The following ZNF382 variants were observed in gnomAD, a reference collection of about 807,000 sequenced individuals.
ZNF382 encodes zinc finger protein 382.
Under a neutral mutation model 38.8 loss-of-function variants are expected in ZNF382, and 20 were observed. That is an observed-to-expected ratio of 0.51 (90% confidence interval 0.36 to 0.75). The LOEUF (loss-of-function observed/expected upper bound fraction) is 0.75, where lower values mean the gene tolerates loss of function less well. ZNF382 is among the 30% of genes least tolerant of loss of function. The pLI is 0.00. For missense variants in ZNF382, 546 were observed against 654.1 expected (o/e 0.83, Z 1.80); for synonymous variants, 202 against 223.1 (o/e 0.91, Z 0.84).
intron 4 of ZNF382, among the ~76,000 whole-genome samples, chr19:36,625,239 A>G (rs951716895): frequency 6.6e-6 from 1 of 151,072 alleles, no homozygotes; most frequent in African/African-American, 2.4e-5. Flanking sequence ...TTCAAGAGAA[A>G]ATAAATTACG....
chr19:36,607,963 C>T (rs1051563144), intron 2 of ZNF382: 3 of 251,916 alleles, frequency 1.2e-5, no homozygotes, highest in African/African-American at 6.7e-5. Flanking sequence ...CATTCATCAT[C>T]TCCTTTCTCA....
In ZNF382 at chr19:36,631,937, A is replaced by T. The variant is rs1213550652; in HGVS notation, c.*4387A>T. On this transcript the variant is annotated 3_prime_UTR_variant, in exon 5 of 5. Transcript: ENST00000292928. ...CATAAGGCATATGCAAAATGAGTTC[A>T]TCAGTTCAGAGGACTAACAGGACTC... is the stretch of plus-strand genomic sequence containing the variant. 6.6e-6 allele frequency: 1 copy of T among 152,220 alleles called. No homozygotes were observed. Among genetic ancestry groups the T allele is most frequent in the Non-Finnish European group, 1.5e-5 (1 of 68,048 alleles). 9.4% of individuals were successfully genotyped at this position (152,220 alleles called of 1,614,324 possible). A position where few individuals can be genotyped will look rare whatever the true frequency, so the allele number is the denominator to read the frequency against.
At chr19:36,618,310 G>A (rs2145325032) in intron 4 of ZNF382, among the ~76,000 whole-genome samples, 1 of 152,322 alleles carries the variant, frequency 6.6e-6, no homozygotes, top group African/African-American at 2.4e-5. Flanking sequence ...AACAGCCACT[G>A]AACTCTTTGC....
chr19:36,633,924 G>C lies in ZNF382; in HGVS notation c.*6374G>C, dbSNP rs1023047462. ...GATCAAATGTTGCTGAGTGTCTGGG[G>C]TGGGGTGGGGTCTGAATACAGAGGG... On this transcript the variant is annotated 3_prime_UTR_variant, in exon 5 of 5. Coordinates refer to ENST00000292928, the MANE Select transcript of ZNF382 (RefSeq NM_032825.5). 6 of 152,106 alleles carry C rather than the reference G, an allele frequency of 3.9e-5. No individual in the cohort carries two copies. Among genetic ancestry groups the C allele is most frequent in the Non-Finnish European group, 5.9e-5 (4 of 68,028 alleles). 9.4% of individuals were successfully genotyped at this position (152,106 alleles called of 1,614,324 possible).
At position 36,622,702 on chromosome 19, in the gene ZNF382, T is replaced by C. The variant is rs960390377; in HGVS notation, c.233-3428T>C. On this transcript the variant is annotated intron_variant, in intron 4 of 4. Coordinates refer to ENST00000292928, the MANE Select transcript of ZNF382 (RefSeq NM_032825.5). ...CTCAAAGCCCCTACCCTAAATCATA[T>C]TGTTACTGTCTGGCCAGCCAAAGAC... Among the ~76,000 whole-genome samples the C allele has an allele frequency of 3.3e-5, 5 of 152,112 alleles. No individual in the cohort carries two copies. The East Asian group carries it at 9.7e-4, about 29-fold the overall frequency.
chr19:36,627,217 A>G lies in ZNF382; in HGVS notation c.1320A>G (p.Glu440=), dbSNP rs776625234. ...GAGAGAAACCCTATATTTGCAATGAATGTGGGAAGTCCTTCTGCCAAAAGA... is the reference window on the plus strand; with the variant it reads ...GAGAGAAACCCTATATTTGCAATGAGTGTGGGAAGTCCTTCTGCCAAAAGA... ...HTGEKPYICN[E]CGKSFCQKTT... The change falls in exon 5 of 5, where the codon GAA becomes GAG. Residue 440 remains glutamate (E), a synonymous_variant. Transcript: ENST00000292928. The G allele has an allele frequency of 2.9e-5, 47 of 1,613,814 alleles. No homozygotes were observed. Among genetic ancestry groups the G allele is most frequent in the Non-Finnish European group, 3.6e-5 (42 of 1,179,934 alleles).
At chr19:36,617,758 C>T (rs948685878) in intron 4 of ZNF382, among the ~76,000 whole-genome samples, 7 of 152,016 alleles carry the variant, frequency 4.6e-5, no homozygotes, top group African/African-American at 1.7e-4. Flanking sequence ...ACCAGGATTC[C>T]TACTGAAAGC....
intron 4 of ZNF382, among the ~76,000 whole-genome samples, chr19:36,612,022 T>G (rs1385992738): frequency 6.6e-6 from 1 of 152,216 alleles, no homozygotes; most frequent in Non-Finnish European, 1.5e-5. Context: ...ATAGGTATAA[T>G]GTACATAGAG....
chr19:36,614,187 A>G (rs1039140693), intron 4 of ZNF382, among the ~76,000 whole-genome samples: 5 of 152,026 alleles, frequency 3.3e-5, no homozygotes, highest in Non-Finnish European at 5.9e-5. Context: ...TAAAAATACA[A>G]AAATTAGCCG....
chr19:36,622,445 T>C (rs996056767), intron 4 of ZNF382, among the ~76,000 whole-genome samples: 4 of 152,216 alleles, frequency 2.6e-5, no homozygotes, highest in South Asian at 2.1e-4. Flanking sequence ...GGGCAGAGTC[T>C]GGGAAAGTGC....
intron 2 of ZNF382, chr19:36,607,846 C>T: frequency 1.9e-6 from 1 of 518,526 alleles, no homozygotes; most frequent in Non-Finnish European, 3.4e-6. Context: ...GGTGCCTCAC[C>T]TGCCTCACCC....
In ZNF382 at chr19:36,626,425, T is replaced by A. The variant is rs1162200449; in HGVS notation, c.528T>A (p.His176Gln). The change falls in exon 5 of 5, where the codon CAT (histidine) becomes CAA (glutamine). Residue 176 changes from histidine to glutamine, a missense_variant. Coordinates refer to ENST00000292928, the MANE Select transcript of ZNF382 (RefSeq NM_032825.5). ...AGAAATCACTCCTCAATACCAAGCA[T>A]GAGAAAATTCATCCTGCAGTGAATC... ...GWEKSLLNTK[H>Q]EKIHPAVNLH... 6.2e-7 allele frequency: 1 copy of A among 1,605,746 alleles called. No homozygotes were observed. Among genetic ancestry groups the A allele is most frequent in the Non-Finnish European group, 8.5e-7 (1 of 1,177,534 alleles).
chr19:36,605,494 G>C (rs2037010759), intron 1 of ZNF382, 147 bp downstream of exon 1: 1 of 152,516 alleles, frequency 6.6e-6, no homozygotes, highest in Non-Finnish European at 1.5e-5. Flanking sequence ...GAGGAAACCG[G>C]GACCGCGGTA....
Position 36,627,426 on chromosome 19 carries a change from A to G in ZNF382, c.1529A>G (p.His510Arg). The G allele has an allele frequency of 6.2e-7, 1 of 1,614,208 alleles. No individual in the cohort carries two copies. The highest frequency in any genetic ancestry group is 8.5e-7 in the Non-Finnish European group (1 of 1,180,024). ...AGTAGGAAATCAAACCTCATTCGCC[A>G]TCAGAAAACTCACACAGGCGAGAAA... ...AFSRKSNLIRHQKTHTGEKPY... is the reference protein window; with the variant it reads ...AFSRKSNLIRRQKTHTGEKPY... Residue 510 changes from histidine (H) to arginine (R), a missense_variant, in exon 5 of 5, where the codon CAT becomes CGT. Coordinates refer to ENST00000292928, the MANE Select transcript of ZNF382 (RefSeq NM_032825.5).
chr19:36,605,626 C>G (rs530807350), intron 1 of ZNF382: 16 of 152,360 alleles, frequency 1.1e-4, no homozygotes, highest in African/African-American at 3.8e-4. Context: ...GCGGAAGCGC[C>G]ATCGCTGGCG....
rs2037269715 is a variant in ZNF382 at position 36,633,845 on chromosome 19, T to C, written c.*6295T>C. On this transcript the variant is annotated 3_prime_UTR_variant, in exon 5 of 5. Transcript: ENST00000292928. The stretch of plus-strand genomic sequence containing the variant: ...CAGTCCCAAAAAGTTACATACTGTA[T>C]GATTCCATTTATATGACATGCTGGA... 1 of 152,116 alleles carries C rather than the reference T, an allele frequency of 6.6e-6. No individual in the cohort carries two copies. The highest frequency in any genetic ancestry group is 1.5e-5 in the Non-Finnish European group (1 of 68,044). The allele number at this position is 152,116 out of a possible 1,614,324, so 9.4% of individuals were successfully genotyped here. A position where few individuals can be genotyped will look rare whatever the true frequency, so the allele number is the denominator to read the frequency against.
At chr19:36,616,840 T>C (rs1200366517) in intron 4 of ZNF382, among the ~76,000 whole-genome samples, 1 of 151,944 alleles carries the variant, frequency 6.6e-6, no homozygotes, top group Non-Finnish European at 1.5e-5. Context: ...GCCCCCAATG[T>C]GGGGCAGGGC....
Position 36,627,410 on chromosome 19 carries a change from TCAA to T in ZNF382, c.1514_1516del (p.Ser505_Asn506delinsTyr). On this transcript the variant is annotated inframe_deletion, in exon 5 of 5. Coordinates refer to ENST00000292928, the MANE Select transcript of ZNF382 (RefSeq NM_032825.5). Reference sequence around the variant, plus strand: ...GTGTGGGAAAGCCTTCAGTAGGAAATCAAACCTCATTCGCCATCAGAAAACTCA... The same window carrying T: ...GTGTGGGAAAGCCTTCAGTAGGAAATACCTCATTCGCCATCAGAAAACTCA... 1 of 1,613,996 alleles carries T rather than the reference TCAA, an allele frequency of 6.2e-7. No individual in the cohort carries two copies.
chr19:36,618,129 T>G lies in ZNF382; in HGVS notation c.232+7387T>G, dbSNP rs544010269. Among the ~76,000 whole-genome samples, 8 of 152,290 alleles carry G rather than the reference T, an allele frequency of 5.3e-5. No homozygotes were observed. In the South Asian group the frequency reaches 1.7e-3, roughly 32 times the overall value. ...GTTTTTCCACTCTGCTTTAAAATTT[T>G]CAGTGCATTTAAAAATACCAGAAAG... On this transcript the variant is annotated intron_variant, in intron 4 of 4. Coordinates refer to ENST00000292928, the MANE Select transcript of ZNF382 (RefSeq NM_032825.5).
Sources: gnomAD v4.1 joint callset for allele counts (sites outside exome capture counted in the v4.1 genomes callset) on GRCh38, gnomAD v4.1.1 for gene constraint, MANE v1.5 for transcripts, NCBI Gene and HGNC (gene_info 2026-07-23, HGNC 2026-07-21) for gene names.